Variants in RORB observed in about 807,000 individuals in gnomAD.
RORB encodes the protein nuclear receptor ROR-beta.
A neutral mutation model predicts 59.1 loss-of-function variants in RORB; 6 were observed. The ratio of observed to expected loss-of-function variants is 0.10; its 90% CI spans 0.06 to 0.20. The LOEUF (loss-of-function observed/expected upper bound fraction) is 0.20, where lower values mean the gene tolerates loss of function less well. Among genes scored for constraint, RORB ranks in the 10% least tolerant of loss-of-function variants. RORB has a pLI of 1.00. For missense variants in RORB, 320 were observed against 560.5 expected, an observed-to-expected ratio of 0.57 and a Z score of 4.33; for synonymous variants, 215 against 204.5, an observed-to-expected ratio of 1.05 and a Z score of -0.44.
chr9:74,591,284 A>G (rs1036939201), intron 1 of RORB, among the ~76,000 whole-genome samples: 5 of 152,208 alleles, frequency 3.3e-5, no homozygotes, highest in African/African-American at 9.7e-5. Flanking sequence ...AATGGCCCCA[A>G]TCTAGAATTG....
intron 1 of RORB, among the ~76,000 whole-genome samples, chr9:74,617,088 CT>C (rs66873201): frequency 0.77 from 115,106 of 148,972 alleles, 45,069 homozygotes; most frequent in East Asian, 0.93. Context: ...CCACCACCCG[CT>C]CCCCCCGCAA....
chr9:74,524,088 C>T (rs945092715), intron 1 of RORB, among the ~76,000 whole-genome samples: 2 of 141,236 alleles, frequency 1.4e-5, no homozygotes, highest in African/African-American at 5.3e-5. Context: ...AGGTAAATAT[C>T]TCATCATCTA....
chr9:74,571,051 C>A lies in RORB; in HGVS notation c.8-59231C>A, dbSNP rs915683779. ...ATGAACAAAATAGAAAATAATTTAACCTATGGAGAAATGTGTGCATTAAAG... is the reference window on the plus strand; with the variant it reads ...ATGAACAAAATAGAAAATAATTTAAACTATGGAGAAATGTGTGCATTAAAG... On this transcript the variant is annotated intron_variant, in intron 1 of 9. Transcript: ENST00000376896. Among the ~76,000 whole-genome samples, 24 of 151,568 alleles carry A rather than the reference C, an allele frequency of 1.6e-4. No homozygotes were observed. In the East Asian group the frequency reaches 4.1e-3, roughly 26 times the overall value.
chr9:74,600,661 C>A (rs1823041251), intron 1 of RORB, among the ~76,000 whole-genome samples: 1 of 152,088 alleles, frequency 6.6e-6, no homozygotes, highest in African/African-American at 2.4e-5. Flanking sequence ...ACTCAGATAT[C>A]AAGATATTAA....
At chr9:74,572,865 G>A (rs148065870) in intron 1 of RORB, among the ~76,000 whole-genome samples, 189 of 152,174 alleles carry the variant, frequency 1.2e-3, no homozygotes, top group African/African-American at 4.3e-3. Flanking sequence ...TTTTCCCTTC[G>A]TGTGTGGCAC....
chr9:74,518,306 A>C (rs1826037705), intron 1 of RORB, among the ~76,000 whole-genome samples: 1 of 152,016 alleles, frequency 6.6e-6, no homozygotes, highest in Non-Finnish European at 1.5e-5. Context: ...GTTCAAAAAC[A>C]TTGCAAAGCA....
intron 1 of RORB, among the ~76,000 whole-genome samples, chr9:74,614,245 G>A (rs10119947): frequency 0.18 from 26,664 of 152,044 alleles, 2,385 homozygotes; most frequent in Admixed American, 0.22. Flanking sequence ...AATATCAGTG[G>A]GTAACTCAGT....
chr9:74,634,390 T>A lies in RORB; in HGVS notation c.94-241T>A, dbSNP rs192522922. On this transcript the variant is annotated intron_variant, in intron 2 of 9. Transcript: ENST00000376896. Reference sequence around the variant, plus strand: ...AGCTGCAAATGTCTTTAGCAAACATTGATTCAAGGAATGAATGAATGAATG... The same window carrying A: ...AGCTGCAAATGTCTTTAGCAAACATAGATTCAAGGAATGAATGAATGAATG... Among the ~76,000 whole-genome samples, 3 of 152,316 alleles carry A rather than the reference T, an allele frequency of 2.0e-5. No homozygotes were observed. In the East Asian group the frequency reaches 5.8e-4, roughly 29 times the overall value.
intron 1 of RORB, among the ~76,000 whole-genome samples, chr9:74,500,317 T>C (rs1033638759): frequency 2.0e-5 from 3 of 152,162 alleles, no homozygotes; most frequent in African/African-American, 7.2e-5. Flanking sequence ...CCCCGGACAG[T>C]GCCCTACCAC....
chr9:74,628,398 G>A (rs1823557371), intron 1 of RORB, among the ~76,000 whole-genome samples: 1 of 152,076 alleles, frequency 6.6e-6, no homozygotes, highest in African/African-American at 2.4e-5. Flanking sequence ...TCAGAGAATG[G>A]TTACTGAATG....
At chr9:74,684,337 T>C (rs1438986530) in intron 9 of RORB, among the ~76,000 whole-genome samples, 3 of 152,208 alleles carry the variant, frequency 2.0e-5, no homozygotes, top group Non-Finnish European at 4.4e-5. Flanking sequence ...GCCTAACTGG[T>C]GATGAGATAG....
At chr9:74,567,126 C>G (rs1028854807) in intron 1 of RORB, among the ~76,000 whole-genome samples, 36 of 151,836 alleles carry the variant, frequency 2.4e-4, no homozygotes, top group African/African-American at 8.5e-4. Flanking sequence ...CTCCCGGGTT[C>G]AAGGGATTCC....
Position 74,533,206 on chromosome 9 carries a change from A to G in RORB, c.7+35223A>G, listed in dbSNP as rs575174608. Among the ~76,000 whole-genome samples the G allele has an allele frequency of 5.9e-5, 9 of 151,992 alleles. No individual in the cohort carries two copies. In the South Asian group the frequency reaches 1.7e-3, roughly 28 times the overall value. ...TTCGTTTTATAGAATTATCTCACAA[A>G]CGTAACTTCCCCATGAGGAAAATGA... On this transcript the variant is annotated intron_variant, in intron 1 of 9. Transcript: ENST00000376896.
intron 1 of RORB, among the ~76,000 whole-genome samples, chr9:74,619,365 T>A (rs995742376): frequency 3.3e-5 from 5 of 152,224 alleles, no homozygotes; most frequent in Admixed American, 3.3e-4. Context: ...TAAACATGTG[T>A]GGCTGTAGAA....
chr9:74,665,850 A>T (rs539085669), intron 7 of RORB, among the ~76,000 whole-genome samples: 1 of 152,306 alleles, frequency 6.6e-6, no homozygotes, highest in African/African-American at 2.4e-5. Context: ...TTCATTCAGA[A>T]ATAAATGGAG....
chr9:74,497,350 TTCTC>T lies in RORB; in HGVS notation c.-622_-619del, dbSNP rs1297420879. On this transcript the variant is annotated 5_prime_UTR_variant, in exon 1 of 10. Coordinates refer to ENST00000376896, the MANE Select transcript of RORB (RefSeq NM_006914.4). ...CTCTCTCTCCATCTCTCCCCTCTCT[TTCTC>T]TCTCGCTGCTCCCTTCCTCCCTGTA... is the stretch of plus-strand genomic sequence containing the variant. The T allele has an allele frequency of 6.6e-6, 1 of 152,634 alleles. No homozygotes were observed. Among genetic ancestry groups the T allele is most frequent in the Non-Finnish European group, 1.5e-5 (1 of 68,378 alleles). 9.5% of individuals were successfully genotyped at this position (152,634 alleles called of 1,614,324 possible). A position where few individuals can be genotyped will look rare whatever the true frequency, so the allele number is the denominator to read the frequency against.
At chr9:74,505,703 T>A (rs984028230) in intron 1 of RORB, among the ~76,000 whole-genome samples, 30 of 152,264 alleles carry the variant, frequency 2.0e-4, no homozygotes, top group African/African-American at 7.0e-4. Context: ...TCATCATAAA[T>A]GAGGTCCATT....
At chr9:74,593,263 T>A (rs917963136) in intron 1 of RORB, among the ~76,000 whole-genome samples, 1 of 152,030 alleles carries the variant, frequency 6.6e-6, no homozygotes, top group African/African-American at 2.4e-5. Flanking sequence ...AGTCAGGAGT[T>A]CGAGACCATC....
intron 1 of RORB, among the ~76,000 whole-genome samples, chr9:74,507,962 C>T (rs551275818): frequency 6.3e-4 from 96 of 151,958 alleles, no homozygotes; most frequent in Non-Finnish European, 1.2e-3. Context: ...CTTGGCAATA[C>T]TTTATTTTTT....
Sources: allele counts gnomAD v4.1 joint callset (sites outside exome capture counted in the v4.1 genomes callset), GRCh38; gene constraint gnomAD v4.1.1; transcripts MANE v1.5; gene names NCBI Gene and HGNC (gene_info 2026-07-23, HGNC 2026-07-21).